Variants in BRINP1 observed in about 807,000 individuals in gnomAD.
BRINP1 encodes BMP/retinoic acid-inducible neural-specific protein 1.
In BRINP1, 17 loss-of-function variants were observed where a neutral mutation model predicts 72.9. The ratio of observed to expected loss-of-function variants is 0.23; its 90% confidence interval spans 0.16 to 0.35. The LOEUF (loss-of-function observed/expected upper bound fraction) is 0.35. Ranked by LOEUF, BRINP1 falls within the 10% of genes least tolerant of loss-of-function variation. The probability of loss-of-function intolerance (pLI) is 1.00; values close to 1 mark genes in which losing one functional copy is unlikely to be tolerated. For synonymous variants in BRINP1, 418 were observed against 378.5 expected, an observed-to-expected ratio of 1.10 and a Z score of -1.21; for missense variants, 850 against 1,001.6, an observed-to-expected ratio of 0.85 and a Z score of 2.04.
At chr9:119,333,462 C>T (rs922156136) in intron 1 of BRINP1, among the ~76,000 whole-genome samples, 3 of 67,956 alleles carry the variant, frequency 4.4e-5, no homozygotes, top group Non-Finnish European at 9.1e-5. Flanking sequence ...GACCTTGTTT[C>T]AAAAAAAAAA....
Position 119,185,585 on chromosome 9 carries a change from C to T in BRINP1, c.1146-17361G>A, listed in dbSNP as rs118187771. ...ACTAAATTTTGACTAAAGTGACTAA[C>T]GGAGAGCACTGAAGTACAGTAAGGG... On this transcript the variant is annotated intron_variant, in intron 7 of 7. Coordinates refer to ENST00000265922, the MANE Select transcript of BRINP1 (RefSeq NM_014618.3). Among the ~76,000 whole-genome samples, 1,489 of 152,264 alleles carry T rather than the reference C, an allele frequency of 9.8e-3. 15 individuals carry two copies. The highest frequency in any genetic ancestry group is 0.037 in the Middle Eastern group (11 of 294).
At chr9:119,254,576 T>G (rs930917246) in intron 2 of BRINP1, among the ~76,000 whole-genome samples, 2 of 152,160 alleles carry the variant, frequency 1.3e-5, no homozygotes, top group Non-Finnish European at 2.9e-5. Context: ...AACATAGACC[T>G]CAAAAGGCTT....
At chr9:119,314,294 G>T (rs1831102930) in intron 1 of BRINP1, among the ~76,000 whole-genome samples, 1 of 152,190 alleles carries the variant, frequency 6.6e-6, no homozygotes, top group African/African-American at 2.4e-5. Flanking sequence ...TGGTAGAGAG[G>T]TACCTTGTGG....
At chr9:119,171,037 G>A (rs1408619053) in intron 7 of BRINP1, among the ~76,000 whole-genome samples, 1 of 142,798 alleles carries the variant, frequency 7.0e-6, no homozygotes, top group Non-Finnish European at 1.5e-5. Context: ...ATGCCAAAAT[G>A]TAAAGACCAT....
intron 7 of BRINP1, among the ~76,000 whole-genome samples, chr9:119,169,218 CG>C (rs1255840993): frequency 1.3e-5 from 2 of 152,352 alleles, no homozygotes; most frequent in South Asian, 4.1e-4. Context: ...TCTGAGGTAC[CG>C]GGTGCATCTC....
intron 1 of BRINP1, among the ~76,000 whole-genome samples, chr9:119,360,142 C>G (rs1236891374): frequency 6.6e-6 from 1 of 152,232 alleles, no homozygotes; most frequent in Non-Finnish European, 1.5e-5. Flanking sequence ...TCAGTCCTCC[C>G]TAGCCTCGGC....
intron 2 of BRINP1, among the ~76,000 whole-genome samples, chr9:119,309,141 T>C (rs373289130): frequency 5.3e-4 from 80 of 152,318 alleles, no homozygotes; most frequent in African/African-American, 1.8e-3. Context: ...TTTGTGAAGC[T>C]CCTGGAAAAT....
At chr9:119,314,452 G>A (rs1406550495) in intron 1 of BRINP1, among the ~76,000 whole-genome samples, 4 of 152,082 alleles carry the variant, frequency 2.6e-5, no homozygotes, top group Admixed American at 6.5e-5. Context: ...TACAACCTCC[G>A]CCTCCAGGGT....
At chr9:119,290,775 T>A (rs547602665) in intron 2 of BRINP1, among the ~76,000 whole-genome samples, 1 of 152,278 alleles carries the variant, frequency 6.6e-6, no homozygotes, top group South Asian at 2.1e-4. Context: ...ACAGTCACAG[T>A]GCATTATTAA....
At chr9:119,356,224 C>T (rs1257572472) in intron 1 of BRINP1, among the ~76,000 whole-genome samples, 1 of 152,150 alleles carries the variant, frequency 6.6e-6, no homozygotes, top group Non-Finnish European at 1.5e-5. Context: ...TCCCTGACTT[C>T]CTACAGATCT....
chr9:119,238,646 G>A lies in BRINP1; in HGVS notation c.685+9C>T. On this transcript the variant is annotated intron_variant, in intron 5 of 7. Coordinates refer to ENST00000265922, the MANE Select transcript of BRINP1 (RefSeq NM_014618.3). ...CCAACTGACCCCACTTTTTCCACTG[G>A]CTTCCTACCTTGAAGGTGCAGTTTG... The A allele has an allele frequency of 6.3e-7, 1 of 1,580,840 alleles. No individual in the cohort carries two copies.
chr9:119,321,031 C>T (rs1831180970), intron 1 of BRINP1, among the ~76,000 whole-genome samples: 1 of 151,944 alleles, frequency 6.6e-6, no homozygotes, highest in Non-Finnish European at 1.5e-5. Context: ...CCCGGGTTCA[C>T]GCCATTCTCC....
chr9:119,278,395 A>C (rs1393954524), intron 2 of BRINP1, among the ~76,000 whole-genome samples: 2 of 152,138 alleles, frequency 1.3e-5, no homozygotes, highest in Non-Finnish European at 2.9e-5. Context: ...TTGTTGGCTA[A>C]TTTTATTTGG....
At chr9:119,266,850 A>C (rs1830553265) in intron 2 of BRINP1, among the ~76,000 whole-genome samples, 1 of 152,212 alleles carries the variant, frequency 6.6e-6, no homozygotes, top group South Asian at 2.1e-4. Flanking sequence ...TTAAGGCTGA[A>C]TAGGAGGACT....
chr9:119,200,876 G>A (rs749811328), intron 7 of BRINP1, among the ~76,000 whole-genome samples: 2 of 152,012 alleles, frequency 1.3e-5, no homozygotes, highest in South Asian at 2.1e-4. Flanking sequence ...CATTCAAGCA[G>A]AAGGAGCAGC....
At chr9:119,282,765 A>T (rs1221563671) in intron 2 of BRINP1, 1 of 980,962 alleles carries the variant, frequency 1.0e-6, no homozygotes, top group Non-Finnish European at 1.2e-6. Context: ...AAAAACCCCA[A>T]ATTTAATTTT....
intron 5 of BRINP1, among the ~76,000 whole-genome samples, chr9:119,229,401 G>A (rs1830125793): frequency 3.3e-5 from 5 of 152,012 alleles, no homozygotes. Context: ...TAGTAATAGA[G>A]GCTCGGAGGC....
At chr9:119,235,899 A>C (rs1211433572) in intron 5 of BRINP1, among the ~76,000 whole-genome samples, 1 of 152,206 alleles carries the variant, frequency 6.6e-6, no homozygotes, top group African/African-American at 2.4e-5. Flanking sequence ...AATATAATCT[A>C]CTTATAATTC....
At chr9:119,250,119 AGGGAAG>A (rs1354518982) in intron 2 of BRINP1, among the ~76,000 whole-genome samples, 6 of 80,336 alleles carry the variant, frequency 7.5e-5, no homozygotes, top group Non-Finnish European at 2.6e-5. Context: ...GGAGGGAGGG[AGGGAAG>A]GAGGGAGGGA....
Sources: gnomAD v4.1 joint callset for allele counts (sites outside exome capture counted in the v4.1 genomes callset) on GRCh38, gnomAD v4.1.1 for gene constraint, MANE v1.5 for transcripts, NCBI Gene and HGNC (gene_info 2026-07-23, HGNC 2026-07-21) for gene names.